RBFOX1: variants seen among roughly 807,000 people sequenced by gnomAD.
RBFOX1 encodes the protein RNA binding protein fox-1 homolog 1.
Under a neutral mutation model 57.7 loss-of-function variants are expected in RBFOX1, and 8 were observed. The observed-to-expected ratio is 0.14, with a 90% CI of 0.08 to 0.25. The LOEUF (loss-of-function observed/expected upper bound fraction) is 0.25. Among genes scored for constraint, RBFOX1 ranks in the 10% least tolerant of loss-of-function variants. RBFOX1 has a pLI of 1.00. For synonymous variants in RBFOX1, 326 were observed against 222.4 expected (o/e 1.47, Z -4.15); for missense variants, 611 against 548.5 (o/e 1.11, Z -1.14).
chr16:6,040,919 A>G (rs1262887333), intron 1 of RBFOX1, among the ~76,000 whole-genome samples: 2 of 152,146 alleles, frequency 1.3e-5, no homozygotes, highest in East Asian at 3.9e-4. Context: ...ATGCTATTCC[A>G]TTGTATGTAT....
At chr16:6,204,909 A>T (rs578018135) in intron 1 of RBFOX1, among the ~76,000 whole-genome samples, 6 of 152,298 alleles carry the variant, frequency 3.9e-5, no homozygotes, top group African/African-American at 1.2e-4. Context: ...ATAACACACG[A>T]TTAAGTTTTG....
intron 2 of RBFOX1, among the ~76,000 whole-genome samples, chr16:5,569,254 G>A (rs1911499): frequency 0.44 from 66,672 of 151,546 alleles, 14,755 homozygotes; most frequent in South Asian, 0.46. Flanking sequence ...GACCAACCCC[G>A]GTGTAGATGT....
chr16:6,765,632 C>T lies in RBFOX1; in HGVS notation c.-16+110982C>T, dbSNP rs76349416. Among the ~76,000 whole-genome samples the T allele has an allele frequency of 0.024, 3,661 of 152,234 alleles. 269 individuals are homozygous for T. In the East Asian group the frequency reaches 0.28, roughly 12 times the overall value. ...AAAGTAGGTCTACCATTCGGTACAG[C>T]AATCACTCTACCCAATACTGGGTCT... On this transcript the variant is annotated intron_variant, in intron 3 of 15. Coordinates refer to ENST00000550418, the MANE Select transcript of RBFOX1 (RefSeq NM_018723.4).
At chr16:5,584,289 C>A (rs1399684831) in intron 2 of RBFOX1, among the ~76,000 whole-genome samples, 5 of 152,182 alleles carry the variant, frequency 3.3e-5, no homozygotes, top group African/African-American at 1.2e-4. Context: ...TTCAGCAGCT[C>A]CCCTGCTCTT....
intron 4 of RBFOX1, among the ~76,000 whole-genome samples, chr16:7,453,129 A>AG (rs1491522260): frequency 3.4e-5 from 1 of 29,432 alleles, no homozygotes; most frequent in Non-Finnish European, 6.9e-5. Context: ...GCTTTGTCTC[A>AG]AAAAAAAAAA....
chr16:6,858,244 A>C (rs1261451533), intron 3 of RBFOX1, among the ~76,000 whole-genome samples: 2 of 152,248 alleles, frequency 1.3e-5, no homozygotes, highest in Non-Finnish European at 2.9e-5. Context: ...GATTTATCTC[A>C]AATGATGAAC....
intron 4 of RBFOX1, among the ~76,000 whole-genome samples, chr16:5,960,047 A>G (rs966998658): frequency 6.6e-6 from 1 of 152,140 alleles, no homozygotes; most frequent in Non-Finnish European, 1.5e-5. Context: ...CTATAAATAA[A>G]AAAATTAGCC....
At chr16:7,131,185 A>C in intron 4 of RBFOX1, among the ~76,000 whole-genome samples, 1 of 151,818 alleles carries the variant, frequency 6.6e-6, no homozygotes, top group East Asian at 1.9e-4. Flanking sequence ...TCTCTACTAA[A>C]AATACAAAAA....
intron 2 of RBFOX1, among the ~76,000 whole-genome samples, chr16:5,567,080 A>G (rs537248644): frequency 6.6e-6 from 1 of 152,284 alleles, no homozygotes; most frequent in South Asian, 2.1e-4. Flanking sequence ...TGGGGCTGGA[A>G]ATGCCACACA....
intron 1 of RBFOX1, among the ~76,000 whole-genome samples, chr16:6,107,154 T>C (rs149931804): frequency 5.9e-4 from 90 of 152,290 alleles, no homozygotes; most frequent in African/African-American, 2.1e-3. Context: ...TTTGTTTTTT[T>C]GTTTTTTTAG....
intron 4 of RBFOX1, among the ~76,000 whole-genome samples, chr16:7,433,758 C>T (rs917124918): frequency 6.6e-6 from 1 of 152,196 alleles, no homozygotes; most frequent in Non-Finnish European, 1.5e-5. Flanking sequence ...ATCTAATTAT[C>T]CAGTCATCTA....
chr16:5,388,377 C>G lies in RBFOX1; in HGVS notation c.220-78839C>G, dbSNP rs73516698. Among the ~76,000 whole-genome samples the G allele has an allele frequency of 2.9e-3, 436 of 152,216 alleles. 3 individuals carry two copies. Among genetic ancestry groups the G allele is most frequent in the African/African-American group, 0.01 (423 of 41,532 alleles). On this transcript the variant is annotated intron_variant, in intron 1 of 2. Transcript: ENST00000585867. The stretch of plus-strand genomic sequence containing the variant: ...AGCTTTTTCTATAAAGGGCCAGGTC[C>G]TAAATATGTCAGGCCTTGTGGTCCA...
At chr16:7,016,905 C>G (rs1445349201) in intron 3 of RBFOX1, among the ~76,000 whole-genome samples, 6 of 152,128 alleles carry the variant, frequency 3.9e-5, no homozygotes, top group African/African-American at 2.4e-5. Context: ...GTGTACCAAC[C>G]TTGAAATCCC....
chr16:6,095,873 C>T (rs2096239786), intron 1 of RBFOX1, among the ~76,000 whole-genome samples: 1 of 152,148 alleles, frequency 6.6e-6, no homozygotes, highest in Admixed American at 6.5e-5. Flanking sequence ...GAGAGAGTTG[C>T]CTTGTCTATC....
chr16:7,021,873 C>G (rs925883474), intron 3 of RBFOX1, among the ~76,000 whole-genome samples: 15 of 150,782 alleles, frequency 9.9e-5, no homozygotes, highest in Non-Finnish European at 1.9e-4. Context: ...CCAGAACCTT[C>G]TTTCTCTCTC....
intron 3 of RBFOX1, among the ~76,000 whole-genome samples, chr16:6,754,155 T>C (rs1017179688): frequency 2.6e-5 from 4 of 152,202 alleles, no homozygotes; most frequent in African/African-American, 9.6e-5. Context: ...ATTTTTCTTT[T>C]GAGTACAAAT....
At chr16:6,815,602 C>G (rs1210303091) in intron 3 of RBFOX1, among the ~76,000 whole-genome samples, 2 of 152,166 alleles carry the variant, frequency 1.3e-5, no homozygotes, top group Admixed American at 6.5e-5. Flanking sequence ...TCTCATTTTA[C>G]CAATGAGTAA....
chr16:5,557,208 C>A (rs752566559), intron 2 of RBFOX1, among the ~76,000 whole-genome samples: 3 of 151,618 alleles, frequency 2.0e-5, no homozygotes, highest in African/African-American at 7.3e-5. Context: ...TGCAGTGAGC[C>A]GGGATTGCGC....
At position 6,628,930 on chromosome 16, in the gene RBFOX1, TGAG is replaced by T. The variant is rs2098346399; in HGVS notation, c.-63-25672_-63-25670del. Among the ~76,000 whole-genome samples, 3 of 152,286 alleles carry T rather than the reference TGAG, an allele frequency of 2.0e-5. No individual in the cohort carries two copies. In the South Asian group the frequency reaches 6.2e-4, roughly 32 times the overall value. Reference sequence around the variant, plus strand: ...CTGTAGTCCCAGCTACTAGGGAGGCTGAGACAGGAGAATTGCTTGAACCCAGGC... The same window carrying T: ...CTGTAGTCCCAGCTACTAGGGAGGCTACAGGAGAATTGCTTGAACCCAGGC... On this transcript the variant is annotated intron_variant, in intron 2 of 15. Transcript: ENST00000550418.
Sources: gnomAD v4.1 joint callset for allele counts (sites outside exome capture counted in the v4.1 genomes callset) on GRCh38, gnomAD v4.1.1 for gene constraint, MANE v1.5 for transcripts, NCBI Gene and HGNC (gene_info 2026-07-23, HGNC 2026-07-21) for gene names.